Variants in KHDRBS3 observed in about 807,000 individuals in gnomAD.
KHDRBS3 encodes KH domain-containing, RNA-binding, signal transduction-associated protein 3.
Under a neutral mutation model 45.6 loss-of-function variants are expected in KHDRBS3, and 23 were observed. That is an observed-to-expected ratio of 0.50 (90% confidence interval 0.36 to 0.72). The LOEUF (loss-of-function observed/expected upper bound fraction) is 0.72. Among genes scored for constraint, KHDRBS3 ranks in the 30% least tolerant of loss-of-function variants. KHDRBS3 has a pLI of 0.00. For synonymous variants in KHDRBS3, 162 were observed against 156.5 expected (o/e 1.04, Z -0.26); for missense variants, 352 against 424.8 (o/e 0.83, Z 1.51).
At chr8:135,519,174 T>C (rs1319487190) in intron 1 of KHDRBS3, among the ~76,000 whole-genome samples, 1 of 152,218 alleles carries the variant, frequency 6.6e-6, no homozygotes, top group Admixed American at 6.5e-5. Context: ...TCCTTTCTTA[T>C]CTTCAGTTTC....
chr8:135,615,284 C>G (rs1829871292), intron 7 of KHDRBS3, among the ~76,000 whole-genome samples: 1 of 148,850 alleles, frequency 6.7e-6, no homozygotes, highest in Non-Finnish European at 1.5e-5. Flanking sequence ...GAAGGAACAG[C>G]CCAAGACTGA....
intron 1 of KHDRBS3, among the ~76,000 whole-genome samples, chr8:135,513,582 GTT>G (rs201764574): frequency 6.7e-6 from 1 of 150,316 alleles, no homozygotes; most frequent in Non-Finnish European, 1.5e-5. Flanking sequence ...TTATGTTTTT[GTT>G]TTTTTTTACT....
In KHDRBS3 at chr8:135,466,084, C is replaced by T. The variant is rs112537230; in HGVS notation, c.88+8130C>T. 4.4e-3 allele frequency among the ~76,000 whole-genome samples: 675 copies of T among 152,300 alleles called. 10 individuals carry two copies. The highest frequency in any genetic ancestry group is 0.015 in the African/African-American group (607 of 41,584). ...CATAGCTAGGTTACCTTCTTTCTTT[C>T]GCATTGGTAGCTATTTCTGAACTGA... On this transcript the variant is annotated intron_variant, in intron 1 of 8. Transcript: ENST00000355849.
At chr8:135,634,737 T>C (rs1830740485) in intron 7 of KHDRBS3, among the ~76,000 whole-genome samples, 1 of 152,214 alleles carries the variant, frequency 6.6e-6, no homozygotes, top group African/African-American at 2.4e-5. Flanking sequence ...GACCAAGCTT[T>C]GTAGTCATGG....
At chr8:135,627,441 G>GTCTACTT (rs1830420893) in intron 7 of KHDRBS3, among the ~76,000 whole-genome samples, 1 of 152,154 alleles carries the variant, frequency 6.6e-6, no homozygotes, top group Non-Finnish European at 1.5e-5. Context: ...TACTTCATCT[G>GTCTACTT]CAAAAGGATT....
intron 1 of KHDRBS3, among the ~76,000 whole-genome samples, chr8:135,492,357 G>A (rs1350639773): frequency 1.3e-5 from 2 of 151,856 alleles, no homozygotes; most frequent in Non-Finnish European, 2.9e-5. Flanking sequence ...GTATATCTGT[G>A]GAACTAATCA....
intron 4 of KHDRBS3, among the ~76,000 whole-genome samples, chr8:135,653,547 C>T (rs117258423): frequency 0.014 from 2,096 of 152,324 alleles, 21 homozygotes; most frequent in Non-Finnish European, 0.022. Context: ...GTATGATACT[C>T]TTGCCATGCC....
intron 1 of KHDRBS3, 111 bp from the exon 2 acceptor site, chr8:135,521,124 AAT>A: frequency 1.5e-6 from 1 of 661,922 alleles, no homozygotes; most frequent in East Asian, 2.6e-5. Flanking sequence ...GCCTCAATTT[AAT>A]AGTCCATACT....
rs1026615083 is a variant in KHDRBS3 at position 135,582,570 on chromosome 8, A to T, written c.807+497A>T. On this transcript the variant is annotated intron_variant, in intron 6 of 8. Coordinates refer to ENST00000355849, the MANE Select transcript of KHDRBS3 (RefSeq NM_006558.3). ...AGTGCAAATCAGTTTTTCATTTATC[A>T]TTCAGCGATTCTTTGATATAATTCA... is the stretch of plus-strand genomic sequence containing the variant. Among the ~76,000 whole-genome samples the T allele has an allele frequency of 2.0e-5, 3 of 152,246 alleles. No homozygotes were observed. In the East Asian group the frequency reaches 5.8e-4, roughly 29 times the overall value.
chr8:135,653,791 A>C (rs1300214465), intron 4 of KHDRBS3, among the ~76,000 whole-genome samples: 1 of 152,242 alleles, frequency 6.6e-6, no homozygotes. Context: ...CAGTGGGTTT[A>C]TGAGGACATA....
chr8:135,530,082 G>C (rs554139663), intron 2 of KHDRBS3, among the ~76,000 whole-genome samples: 2 of 150,850 alleles, frequency 1.3e-5, no homozygotes, highest in Admixed American at 6.6e-5. Flanking sequence ...AGAAATTAAA[G>C]TCTGTGATGA....
chr8:135,638,785 TA>T (rs1304239915), intron 7 of KHDRBS3, among the ~76,000 whole-genome samples: 2 of 151,980 alleles, frequency 1.3e-5, no homozygotes, highest in African/African-American at 4.8e-5. Flanking sequence ...CTGTCTCTAC[TA>T]AAAATACAAA....
chr8:135,517,572 A>G (rs1421360431), intron 1 of KHDRBS3, among the ~76,000 whole-genome samples: 1 of 152,200 alleles, frequency 6.6e-6, no homozygotes, highest in Non-Finnish European at 1.5e-5. Flanking sequence ...GCTACTTATA[A>G]TGCTCATTCA....
intron 4 of KHDRBS3, among the ~76,000 whole-genome samples, chr8:135,654,097 C>T (rs1831482882): frequency 6.6e-6 from 1 of 152,148 alleles, no homozygotes; most frequent in East Asian, 1.9e-4. Flanking sequence ...CTATTTTTTA[C>T]ATAGAAAACA....
chr8:135,473,682 T>G (rs1405578598), intron 1 of KHDRBS3, among the ~76,000 whole-genome samples: 1 of 152,138 alleles, frequency 6.6e-6, no homozygotes, highest in Non-Finnish European at 1.5e-5. Context: ...TTCTTACTTA[T>G]TTATTTATTT....
At chr8:135,578,091 T>G (rs189337538) in intron 5 of KHDRBS3, among the ~76,000 whole-genome samples, 4 of 152,306 alleles carry the variant, frequency 2.6e-5, no homozygotes, top group Non-Finnish European at 4.4e-5. Context: ...ATTTGCTTTC[T>G]TATTGTTGAG....
At chr8:135,487,486 T>A (rs1822921957) in intron 1 of KHDRBS3, among the ~76,000 whole-genome samples, 1 of 152,182 alleles carries the variant, frequency 6.6e-6, no homozygotes, top group South Asian at 2.1e-4. Flanking sequence ...GCTTTCAAGA[T>A]GTACATAGAC....
At chr8:135,582,664 C>T (rs958750286) in intron 6 of KHDRBS3, among the ~76,000 whole-genome samples, 1 of 152,082 alleles carries the variant, frequency 6.6e-6, no homozygotes, top group African/African-American at 2.4e-5. Flanking sequence ...CTTTGATGTC[C>T]TCATTTACCA....
At chr8:135,531,043 G>A (rs1435157249) in intron 2 of KHDRBS3, among the ~76,000 whole-genome samples, 4 of 152,084 alleles carry the variant, frequency 2.6e-5, no homozygotes, top group Non-Finnish European at 4.4e-5. Context: ...CATGTTTATG[G>A]GCTTCATAGC....
Sources: allele counts gnomAD v4.1 joint callset (sites outside exome capture counted in the v4.1 genomes callset), GRCh38; gene constraint gnomAD v4.1.1; transcripts MANE v1.5; gene names NCBI Gene and HGNC (gene_info 2026-07-23, HGNC 2026-07-21).